ANKRD30A: variants seen among roughly 807,000 people sequenced by gnomAD.
ANKRD30A encodes the protein ankyrin repeat domain-containing protein 30A.
Under a neutral mutation model 166.3 loss-of-function variants are expected in ANKRD30A, and 170 were observed. The observed-to-expected ratio is 1.02, with a 90% CI of 0.90 to 1.16. The LOEUF (loss-of-function observed/expected upper bound fraction) is 1.16. Among genes scored for constraint, ANKRD30A ranks in the 50% most tolerant of loss-of-function variants. The pLI, the probability that ANKRD30A is intolerant of heterozygous loss-of-function variation, is 0.00. For missense variants in ANKRD30A, 1,630 were observed against 1,518.0 expected (o/e 1.07, Z -1.23); for synonymous variants, 564 against 508.9 (o/e 1.11, Z -1.46).
At chr10:37,152,472 G>T (rs1838026575) in intron 12 of ANKRD30A, among the ~76,000 whole-genome samples, 1 of 152,084 alleles carries the variant, frequency 6.6e-6, no homozygotes, top group African/African-American at 2.4e-5. Context: ...CTTACATCTA[G>T]ATGTACAAAA....
At chr10:37,258,855 C>G in the ANKRD30A span, among the ~76,000 whole-genome samples, 4 of 143,818 alleles carry the variant, frequency 2.8e-5, no homozygotes, top group Non-Finnish European at 6.0e-5. Context: ...CCCAGCTACT[C>G]GGGAGGCTGA....
chr10:37,195,622 C>T (rs1399794824), intron 27 of ANKRD30A, among the ~76,000 whole-genome samples: 5 of 152,086 alleles, frequency 3.3e-5, no homozygotes, highest in East Asian at 1.9e-4. Flanking sequence ...TGACCGGGTG[C>T]GGTGGCTCAC....
At chr10:37,204,930 A>C (rs1459118604) in intron 31 of ANKRD30A, among the ~76,000 whole-genome samples, 1 of 152,200 alleles carries the variant, frequency 6.6e-6, no homozygotes, top group Admixed American at 6.5e-5. Context: ...AATGGCGATC[A>C]TTAAAAAGTC....
rs538383676 is a variant in ANKRD30A at position 37,197,214 on chromosome 10, G to A, written c.2615-67G>A. The A allele has an allele frequency of 8.8e-6, 14 of 1,589,508 alleles. No homozygotes were observed. In the South Asian group the frequency reaches 8.8e-5, roughly 10 times the overall value. On this transcript the variant is annotated intron_variant, in intron 27 of 35. Coordinates refer to ENST00000361713, the MANE Select transcript of ANKRD30A (RefSeq NM_052997.3). ...AGAGGAGTCAGTTAGATACTATCAC[G>A]GCATTCATTTGTGGCTGGCTTGTCA...
chr10:37,199,465 G>C (rs1343120813), intron 29 of ANKRD30A, among the ~76,000 whole-genome samples: 2 of 152,018 alleles, frequency 1.3e-5, no homozygotes, highest in Non-Finnish European at 2.9e-5. Context: ...GTATGTGACT[G>C]CTTTGTGAAG....
rs141194244 is a variant in ANKRD30A at position 37,219,328 on chromosome 10, G to C, written c.3616G>C (p.Val1206Leu). 12,179 of 1,610,286 alleles carry C rather than the reference G, an allele frequency of 7.6e-3. 67 individuals are homozygous for C. Among genetic ancestry groups the C allele is most frequent in the Non-Finnish European group, 9.2e-3 (10,822 of 1,177,530 alleles). The change falls in exon 34 of 36, where the codon GTA (valine) becomes CTA (leucine). Residue 1206 changes from valine (V) to leucine (L), a missense_variant. Physicochemically the swap from Val to Leu is conservative, Grantham distance 32. Coordinates refer to ENST00000361713, the MANE Select transcript of ANKRD30A (RefSeq NM_052997.3). Reference sequence around the variant, plus strand: ...ACACCATCCTAGACTGGCTTCTGCTGTACAAGACCATGATCAAATTGTGAC... The same window carrying C: ...ACACCATCCTAGACTGGCTTCTGCTCTACAAGACCATGATCAAATTGTGAC... Reference protein sequence around the residue: ...ESHHPRLASAVQDHDQIVTSR... With the variant: ...ESHHPRLASALQDHDQIVTSR...
intron 32 of ANKRD30A, 57 bp downstream of exon 32, chr10:37,216,451 G>C: frequency 6.8e-7 from 1 of 1,466,342 alleles, no homozygotes; most frequent in Admixed American, 2.3e-5. Context: ...AACTACGTAG[G>C]ATACTTTTTG....
intron 7 of ANKRD30A, among the ~76,000 whole-genome samples, chr10:37,142,557 T>G (rs1837218770): frequency 6.8e-6 from 1 of 146,924 alleles, no homozygotes; most frequent in African/African-American, 2.5e-5. Context: ...TACAGGGATA[T>G]CATAGGATCA....
the ANKRD30A span, among the ~76,000 whole-genome samples, chr10:37,256,029 G>C: frequency 1.3e-5 from 2 of 152,118 alleles, no homozygotes; most frequent in African/African-American, 2.4e-5. Context: ...TGCCTGCAGC[G>C]TGACTGGTCT....
the ANKRD30A span, among the ~76,000 whole-genome samples, chr10:37,242,607 T>C: frequency 6.6e-6 from 1 of 152,176 alleles, no homozygotes; most frequent in African/African-American, 2.4e-5. Flanking sequence ...CTTTTTCATA[T>C]AAAAAAGTCA....
At chr10:37,250,347 G>C in the ANKRD30A span, among the ~76,000 whole-genome samples, 2 of 152,058 alleles carry the variant, frequency 1.3e-5, no homozygotes, top group African/African-American at 4.8e-5. Context: ...ATTCAGAGAA[G>C]GAGCATTCAT....
At chr10:37,153,810 C>G in intron 13 of ANKRD30A, 148 bp downstream of exon 13, 2 of 1,160,900 alleles carry the variant, frequency 1.7e-6, no homozygotes, top group Non-Finnish European at 2.4e-6. Flanking sequence ...AGTTGTATGT[C>G]TCATCAGGTG....
chr10:37,157,865 A>G (rs1473705619), intron 13 of ANKRD30A, among the ~76,000 whole-genome samples: 5 of 152,234 alleles, frequency 3.3e-5, no homozygotes, highest in Non-Finnish European at 7.3e-5. Context: ...CTCTGCAATG[A>G]TAAGTACATT....
chr10:37,249,445 C>T, the ANKRD30A span, among the ~76,000 whole-genome samples: 1 of 151,664 alleles, frequency 6.6e-6, no homozygotes, highest in Non-Finnish European at 1.5e-5. Context: ...AAACCTCAGG[C>T]ACTTTGAATT....
chr10:37,229,907 G>T (rs1383840444), intron 34 of ANKRD30A, among the ~76,000 whole-genome samples: 4 of 151,794 alleles, frequency 2.6e-5, no homozygotes, highest in African/African-American at 9.7e-5. Context: ...GGTAAATGGG[G>T]TATTCGTCAC....
chr10:37,142,407 G>T (rs1837206709), intron 7 of ANKRD30A, 117 bp downstream of exon 7: 1 of 932,054 alleles, frequency 1.1e-6, no homozygotes. Flanking sequence ...GCGAGCTTAG[G>T]CAACACTTTT....
intron 6 of ANKRD30A, among the ~76,000 whole-genome samples, chr10:37,139,818 G>A (rs1386609334): frequency 6.6e-6 from 1 of 152,102 alleles, no homozygotes; most frequent in East Asian, 1.9e-4. Flanking sequence ...TACAATAAAT[G>A]GTTTGCATTT....
chr10:37,223,679 C>A lies in ANKRD30A; in HGVS notation c.4185+3782C>A, dbSNP rs1269190591. Among the ~76,000 whole-genome samples the A allele has an allele frequency of 4.0e-5, 6 of 151,210 alleles. 1 individual carries two copies. Among genetic ancestry groups the A allele is most frequent in the Non-Finnish European group, 8.9e-5 (6 of 67,520 alleles). ...GTTTTTTAAAAAATTATGTTTCAAT[C>A]TGTCATTATTGGAATAAAGTGTATA... On this transcript the variant is annotated intron_variant, in intron 34 of 35. Coordinates refer to ENST00000361713, the MANE Select transcript of ANKRD30A (RefSeq NM_052997.3).
chr10:37,264,548 TG>T, the ANKRD30A span: 6 of 465,068 alleles, frequency 1.3e-5, no homozygotes, highest in Non-Finnish European at 1.7e-5. Flanking sequence ...TCTGGCTGTC[TG>T]GGGAAGCATG....
Sources: allele counts gnomAD v4.1 joint callset (sites outside exome capture counted in the v4.1 genomes callset), GRCh38; gene constraint gnomAD v4.1.1; transcripts MANE v1.5; gene names NCBI Gene and HGNC (gene_info 2026-07-23, HGNC 2026-07-21).